MLLT1: variants seen among roughly 807,000 people sequenced by gnomAD.
MLLT1 encodes MLLT1 super elongation complex subunit.
MLLT1 carries 11 observed loss-of-function variants against 55.1 expected under a neutral mutation model. The ratio of observed to expected loss-of-function variants is 0.20; its 90% CI spans 0.13 to 0.33. MLLT1 has a LOEUF of 0.33. MLLT1 is among the 10% of genes least tolerant of loss of function. MLLT1 has a pLI of 1.00. For synonymous variants in MLLT1, 323 were observed against 320.1 expected (o/e 1.01, Z -0.10); for missense variants, 536 against 760.6 (o/e 0.70, Z 3.47).
chr19:6,221,190 C>G (rs2090893632), intron 6 of MLLT1, among the ~76,000 whole-genome samples: 1 of 152,240 alleles, frequency 6.6e-6, no homozygotes, highest in South Asian at 2.1e-4. Flanking sequence ...TGAGGGCAAG[C>G]CGGACCCACA....
intron 8 of MLLT1, among the ~76,000 whole-genome samples, chr19:6,215,779 T>G (rs1448523819): frequency 6.6e-6 from 1 of 152,168 alleles, no homozygotes; most frequent in Non-Finnish European, 1.5e-5. Flanking sequence ...CCCCGCCCGC[T>G]GAAGCCTGTG....
chr19:6,216,589 G>A (rs1476367391), intron 7 of MLLT1, 76 bp from the exon 8 acceptor site: 1 of 1,066,256 alleles, frequency 9.4e-7, no homozygotes, highest in African/African-American at 1.6e-5. Context: ...TCGCCCATGA[G>A]GCCACGCAGA....
intron 3 of MLLT1, among the ~76,000 whole-genome samples, chr19:6,234,317 G>A (rs1039616515): frequency 6.6e-6 from 1 of 152,240 alleles, no homozygotes; most frequent in African/African-American, 2.4e-5. Flanking sequence ...AGCCCTGTCC[G>A]GAGGTGGAGG....
intron 5 of MLLT1, among the ~76,000 whole-genome samples, chr19:6,225,602 G>T (rs956605569): frequency 6.6e-6 from 1 of 152,156 alleles, no homozygotes; most frequent in Non-Finnish European, 1.5e-5. Flanking sequence ...CACAGATGCC[G>T]CCTACATCTC....
At chr19:6,239,130 C>A (rs185482310) in intron 3 of MLLT1, among the ~76,000 whole-genome samples, 435 of 152,344 alleles carry the variant, frequency 2.9e-3, no homozygotes, top group Non-Finnish European at 5.1e-3. Flanking sequence ...CAGAGCCCTG[C>A]CCCTCCTCTG....
At chr19:6,233,355 A>G (rs1320958362) in intron 3 of MLLT1, among the ~76,000 whole-genome samples, 1 of 152,228 alleles carries the variant, frequency 6.6e-6, no homozygotes, top group African/African-American at 2.4e-5. Flanking sequence ...ACAAGTGAAC[A>G]TGAACAGGTT....
intron 8 of MLLT1, among the ~76,000 whole-genome samples, chr19:6,215,774 C>A (rs1486438171): frequency 6.6e-6 from 1 of 152,160 alleles, no homozygotes; most frequent in Admixed American, 6.5e-5. Context: ...TGGACCCCCG[C>A]CCGCTGAAGC....
At position 6,230,125 on chromosome 19, in the gene MLLT1, T is replaced by C. The variant is rs2090994872; in HGVS notation, c.420+445A>G. On this transcript the variant is annotated intron_variant, in intron 4 of 11. Coordinates refer to ENST00000252674, the MANE Select transcript of MLLT1 (RefSeq NM_005934.4). The surrounding 1 kb of genome is among the most constrained non-coding windows in gnomAD (Gnocchi z 9.0). ...CTCGACTCCAGCCACCGCATGGGGGTCCCGGCCACACGACTCCTGGAGAGC... is the reference window on the plus strand; with the variant it reads ...CTCGACTCCAGCCACCGCATGGGGGCCCCGGCCACACGACTCCTGGAGAGC... 6.6e-6 allele frequency among the ~76,000 whole-genome samples: 1 copy of C among 151,830 alleles called. No individual in the cohort carries two copies. The highest frequency in any genetic ancestry group is 2.1e-4 in the South Asian group (1 of 4,814).
chr19:6,212,417 C>G lies in MLLT1; in HGVS notation c.*625G>C, dbSNP rs2090785377. ...CAAGCCCCACCGTACGCACCCCCCA[C>G]CCACCCCACGTGCACTGCTGCCACA... On this transcript the variant is annotated 3_prime_UTR_variant, in exon 12 of 12. Transcript: ENST00000252674. 9.4e-7 allele frequency: 1 copy of G among 1,066,316 alleles called. No homozygotes were observed. Among genetic ancestry groups the G allele is most frequent in the Non-Finnish European group, 1.1e-6 (1 of 879,990 alleles). 66.1% of individuals were successfully genotyped at this position (1,066,316 alleles called of 1,614,324 possible). A position where few individuals can be genotyped will look rare whatever the true frequency, so the allele number is the denominator to read the frequency against.
chr19:6,264,887 T>A (rs1253356266), intron 2 of MLLT1, among the ~76,000 whole-genome samples: 4 of 82,872 alleles, frequency 4.8e-5, no homozygotes, highest in Admixed American at 3.4e-4. Context: ...TGAGCGAAAC[T>A]CTGTTAAAAA....
chr19:6,278,607 G>C (rs955802741), intron 1 of MLLT1, among the ~76,000 whole-genome samples: 1 of 152,198 alleles, frequency 6.6e-6, no homozygotes, highest in Non-Finnish European at 1.5e-5. Flanking sequence ...GGTTGTACAG[G>C]AGACTGCAGG....
At chr19:6,244,955 T>G (rs1234215649) in intron 3 of MLLT1, among the ~76,000 whole-genome samples, 1 of 152,034 alleles carries the variant, frequency 6.6e-6, no homozygotes, top group African/African-American at 2.4e-5. Flanking sequence ...CTGGTGAGGA[T>G]GTAGAAAAAT....
In MLLT1 at chr19:6,213,716, G is replaced by T. The variant is rs1274870563; in HGVS notation, c.1479+10C>A. The T allele has an allele frequency of 6.3e-7, 1 of 1,580,958 alleles. No individual in the cohort carries two copies. Among genetic ancestry groups the T allele is most frequent in the Non-Finnish European group, 8.7e-7 (1 of 1,152,810 alleles). On this transcript the variant is annotated intron_variant, in intron 10 of 11. Transcript: ENST00000252674. ...GTAGCCTCCCCGCCTTGTCGTAGGTGCCCCCCCACCTTGTCGTAGGTGCCC... is the reference window on the plus strand; with the variant it reads ...GTAGCCTCCCCGCCTTGTCGTAGGTTCCCCCCCACCTTGTCGTAGGTGCCC...
chr19:6,253,224 C>T (rs918616722), intron 3 of MLLT1, among the ~76,000 whole-genome samples: 8 of 138,866 alleles, frequency 5.8e-5, no homozygotes, highest in Admixed American at 1.5e-4. Flanking sequence ...AAGATTGCGC[C>T]ACTGCACTCC....
chr19:6,217,915 C>T (rs193236861), intron 7 of MLLT1, 39 bp downstream of exon 7: 22 of 1,571,298 alleles, frequency 1.4e-5, no homozygotes, highest in East Asian at 7.0e-5. Context: ...AGGCCCTCCC[C>T]GGCCCCATCC....
intron 1 of MLLT1, among the ~76,000 whole-genome samples, chr19:6,274,799 C>T (rs996073045): frequency 2.0e-5 from 3 of 152,176 alleles, no homozygotes; most frequent in Admixed American, 2.0e-4. Flanking sequence ...TGAAAGACAG[C>T]GGACGGAGGG....
At chr19:6,275,228 A>G (rs2091422117) in intron 1 of MLLT1, among the ~76,000 whole-genome samples, 1 of 152,210 alleles carries the variant, frequency 6.6e-6, no homozygotes, top group Non-Finnish European at 1.5e-5. Flanking sequence ...CAGTGGTGGA[A>G]TTACACCTGG....
Position 6,222,542 on chromosome 19 carries a change from G to A in MLLT1, c.689C>T (p.Ser230Leu), listed in dbSNP as rs146940691. 883 of 1,600,890 alleles carry A rather than the reference G, an allele frequency of 5.5e-4. 4 individuals carry two copies. The African/African-American group carries it at 9.5e-3, about 17-fold the overall frequency. ...CAGCCGGCCCTCGCCCAGCTTCCGC[G>A]AGGTGTCCTTGGAGCTTTTGGCCTG... is the stretch of plus-strand genomic sequence containing the variant. ...REQAKSSKDT[S>L]RKLGEGRLPK... Residue 230 changes from serine (S) to leucine (L), a missense_variant, in exon 6 of 12, where the codon TCG becomes TTG. Physicochemically the swap from Ser to Leu is moderately radical, Grantham distance 145. Transcript: ENST00000252674. This position sits in a 1 kb window ranked among gnomAD's most constrained non-coding sequence, Gnocchi z 4.1.
intron 3 of MLLT1, among the ~76,000 whole-genome samples, chr19:6,238,241 CTG>C (rs766555627): frequency 1.4e-4 from 21 of 152,202 alleles, no homozygotes; most frequent in Admixed American, 2.6e-4. Context: ...AGAGAGCTGA[CTG>C]TGTGTGTGAG....
Sources: gnomAD v4.1 joint callset for allele counts (sites outside exome capture counted in the v4.1 genomes callset) on GRCh38, gnomAD v4.1.1 for gene constraint, Gnocchi (gnomAD v3.1) non-coding constraint, MANE v1.5 for transcripts, NCBI Gene and HGNC (gene_info 2026-07-23, HGNC 2026-07-21) for gene names.